SLC24A2: variants seen among roughly 807,000 people sequenced by gnomAD.
SLC24A2 encodes sodium/potassium/calcium exchanger 2.
In SLC24A2, 36 loss-of-function variants were observed where a neutral mutation model predicts 62.0. That is an observed-to-expected ratio of 0.58 (90% CI 0.44 to 0.77). The LOEUF (loss-of-function observed/expected upper bound fraction) is 0.77, where lower values mean the gene tolerates loss of function less well. Among genes scored for constraint, SLC24A2 ranks in the 30% least tolerant of loss-of-function variants. SLC24A2 has a pLI of 0.00. For missense variants in SLC24A2, 846 were observed against 817.9 expected, an observed-to-expected ratio of 1.03 and a Z score of -0.42; for synonymous variants, 358 against 294.0, an observed-to-expected ratio of 1.22 and a Z score of -2.23.
chr9:19,806,992 T>C, the SLC24A2 span, among the ~76,000 whole-genome samples: 1 of 152,198 alleles, frequency 6.6e-6, no homozygotes, highest in Non-Finnish European at 1.5e-5. Context: ...ATTTGAAAAC[T>C]CATTTCTGTA....
chr9:20,009,945 G>A, the SLC24A2 span, among the ~76,000 whole-genome samples: 1 of 152,218 alleles, frequency 6.6e-6, no homozygotes, highest in African/African-American at 2.4e-5. Flanking sequence ...ACTCAACCTT[G>A]GAGTCCATTG....
At chr9:19,895,863 G>A in the SLC24A2 span, 2 of 1,611,714 alleles carry the variant, frequency 1.2e-6, no homozygotes, top group South Asian at 1.1e-5. Flanking sequence ...CAAAGAAGGG[G>A]TGCAGCAGGG....
the SLC24A2 span, among the ~76,000 whole-genome samples, chr9:20,184,535 G>A: frequency 4.6e-5 from 7 of 152,122 alleles, no homozygotes; most frequent in South Asian, 2.1e-4. Flanking sequence ...GCAACAGAGC[G>A]AGACTCCATC....
the SLC24A2 span, among the ~76,000 whole-genome samples, chr9:20,175,017 T>TTATATATA: frequency 6.8e-6 from 1 of 147,806 alleles, no homozygotes; most frequent in African/African-American, 2.5e-5. Flanking sequence ...TCTGAATTTT[T>TTATATATA]TATATATATA....
the SLC24A2 span, among the ~76,000 whole-genome samples, chr9:20,209,505 T>C: frequency 6.6e-6 from 1 of 152,182 alleles, no homozygotes; most frequent in East Asian, 1.9e-4. Flanking sequence ...ACTGCTTCCT[T>C]TACTACTCTG....
the SLC24A2 span, among the ~76,000 whole-genome samples, chr9:20,089,978 A>G: frequency 1.6e-4 from 24 of 152,174 alleles, no homozygotes; most frequent in African/African-American, 5.8e-4. Flanking sequence ...GACAGGGCCC[A>G]AGGAGGAACA....
chr9:19,610,473 G>A (rs1036248200), intron 4 of SLC24A2, among the ~76,000 whole-genome samples: 4 of 152,128 alleles, frequency 2.6e-5, no homozygotes, highest in Non-Finnish European at 5.9e-5. Context: ...GTATTAAAGA[G>A]AAGAAAATGA....
the SLC24A2 span, among the ~76,000 whole-genome samples, chr9:19,831,215 G>C: frequency 6.6e-6 from 1 of 152,174 alleles, no homozygotes; most frequent in Non-Finnish European, 1.5e-5. Context: ...ATCATTCCAA[G>C]CATAGCACTG....
the SLC24A2 span, among the ~76,000 whole-genome samples, chr9:20,254,859 G>A: frequency 1.3e-3 from 192 of 152,254 alleles, 1 homozygote; most frequent in African/African-American, 4.5e-3. Context: ...CAGTCCTGGC[G>A]GAATGTGAAG....
the SLC24A2 span, among the ~76,000 whole-genome samples, chr9:20,112,247 G>A: frequency 1.3e-5 from 2 of 152,176 alleles, no homozygotes; most frequent in African/African-American, 2.4e-5. Flanking sequence ...TTTCGTCAAA[G>A]TAAGAACACA....
the SLC24A2 span, among the ~76,000 whole-genome samples, chr9:20,205,738 G>A: frequency 6.7e-6 from 1 of 148,682 alleles, no homozygotes; most frequent in African/African-American, 2.5e-5. Flanking sequence ...TTTTCTGGAA[G>A]ATGACCGAAG....
chr9:20,104,521 C>A, the SLC24A2 span, among the ~76,000 whole-genome samples: 2 of 152,220 alleles, frequency 1.3e-5, no homozygotes, highest in Non-Finnish European at 1.5e-5. Flanking sequence ...CGCTACAAGC[C>A]AGAAGAGAGT....
chr9:20,272,676 A>T, the SLC24A2 span, among the ~76,000 whole-genome samples: 4 of 152,216 alleles, frequency 2.6e-5, no homozygotes, highest in Non-Finnish European at 5.9e-5. Flanking sequence ...CAGGCAACTC[A>T]AAATAACAAA....
chr9:19,832,973 A>G, the SLC24A2 span, among the ~76,000 whole-genome samples: 1 of 152,134 alleles, frequency 6.6e-6, no homozygotes, highest in African/African-American at 2.4e-5. Context: ...TTATGCAGCC[A>G]AAAGACACAT....
At chr9:19,944,779 T>C in the SLC24A2 span, among the ~76,000 whole-genome samples, 1 of 152,170 alleles carries the variant, frequency 6.6e-6, no homozygotes, top group African/African-American at 2.4e-5. Flanking sequence ...AGAAGCCTTT[T>C]GTCACTTAGA....
rs562903535 is a variant in SLC24A2 at position 19,557,962 on chromosome 9, C to A, written c.1348-7694G>T. On this transcript the variant is annotated intron_variant, in intron 7 of 10. Coordinates refer to ENST00000341998, the MANE Select transcript of SLC24A2 (RefSeq NM_020344.4). ...AGCCTCCCAAGTAGCTGAGACTACA[C>A]GTATGCACCACCATGGCTAATTTTT... Among the ~76,000 whole-genome samples, 12 of 151,978 alleles carry A rather than the reference C, an allele frequency of 7.9e-5. 1 individual carries two copies. The South Asian group carries it at 1.5e-3, about 18-fold the overall frequency.
At chr9:19,880,415 T>C in the SLC24A2 span, among the ~76,000 whole-genome samples, 5 of 152,222 alleles carry the variant, frequency 3.3e-5, no homozygotes, top group African/African-American at 9.7e-5. Flanking sequence ...ATGTCCACTT[T>C]TACATAATTA....
chr9:19,843,816 G>T, the SLC24A2 span, among the ~76,000 whole-genome samples: 2 of 152,090 alleles, frequency 1.3e-5, no homozygotes, highest in African/African-American at 4.8e-5. Context: ...TAGGATAATG[G>T]CCTCCAGCTG....
chr9:19,912,803 C>T, the SLC24A2 span, among the ~76,000 whole-genome samples: 1 of 152,196 alleles, frequency 6.6e-6, no homozygotes, highest in Admixed American at 6.5e-5. Flanking sequence ...TCCTTTTGAA[C>T]TCAATCCAAC....
Sources: gnomAD v4.1 joint callset for allele counts (sites outside exome capture counted in the v4.1 genomes callset) on GRCh38, gnomAD v4.1.1 for gene constraint, MANE v1.5 for transcripts, NCBI Gene and HGNC (gene_info 2026-07-23, HGNC 2026-07-21) for gene names.